Variants in MORC3 observed in about 807,000 individuals in gnomAD.
The protein encoded by MORC3 is MORC family CW-type zinc finger 3.
A neutral mutation model predicts 109.1 loss-of-function variants in MORC3; 31 were observed. The ratio of observed to expected loss-of-function variants is 0.28; its 90% CI spans 0.21 to 0.38. MORC3 has a LOEUF of 0.38. Among genes scored for constraint, MORC3 ranks in the 10% least tolerant of loss-of-function variants. The pLI is 1.00. For missense variants in MORC3, 867 were observed against 1,135.8 expected (o/e 0.76, Z 3.40); for synonymous variants, 395 against 380.7 (o/e 1.04, Z -0.44).
intron 2 of MORC3, among the ~76,000 whole-genome samples, chr21:36,335,861 G>A (rs1209006077): frequency 2.6e-5 from 4 of 152,026 alleles, no homozygotes; most frequent in Non-Finnish European, 5.9e-5. Flanking sequence ...TGATTATTGT[G>A]TACCTTCCAT....
intron 14 of MORC3, among the ~76,000 whole-genome samples, chr21:36,367,923 A>C (rs1401646755): frequency 6.6e-6 from 1 of 152,210 alleles, no homozygotes; most frequent in Non-Finnish European, 1.5e-5. Flanking sequence ...GACTTGAGAG[A>C]GAAATAAAGA....
chr21:36,345,579 G>A (rs1474159798), intron 8 of MORC3, among the ~76,000 whole-genome samples: 1 of 151,718 alleles, frequency 6.6e-6, no homozygotes, highest in African/African-American at 2.4e-5. Flanking sequence ...GTGCCGCCAC[G>A]CCTGGCTAAT....
Position 36,372,484 on chromosome 21 carries a change from A to G in MORC3, c.2619A>G (p.Ser873=), listed in dbSNP as rs1190580712. The change falls in exon 16 of 17, where the codon TCA becomes TCG. Residue 873 remains serine, a synonymous_variant. Transcript: ENST00000400485. ...ATCAACAGACGGCAACAGATGTTTC[A>G]ACATCAAGTAACATTGAGGAGTCTG... The part of the protein sequence containing the change: ...STNQQTATDV[S]TSSNIEESVN... 1 of 1,604,556 alleles carries G rather than the reference A, an allele frequency of 6.2e-7. No homozygotes were observed. Among genetic ancestry groups the G allele is most frequent in the South Asian group, 1.1e-5 (1 of 88,758 alleles).
Position 36,320,238 on chromosome 21 carries a change from C to A in MORC3, c.-27C>A, listed in dbSNP as rs202111693. The A allele has an allele frequency of 8.9e-6, 14 of 1,575,706 alleles. No individual in the cohort carries two copies. The highest frequency in any genetic ancestry group is 1.4e-5 in the African/African-American group (1 of 73,964). ...CTCCCAGTCGGGTTGCGGCGGAGGC[C>A]GTTCCTGGCTTTGTAGCTCGCTCAA... On this transcript the variant is annotated 5_prime_UTR_variant, in exon 1 of 17. Coordinates refer to ENST00000400485, the MANE Select transcript of MORC3 (RefSeq NM_015358.3).
rs2085695730 is a variant in MORC3, at chr21:36,360,088, G to A, written c.1331+11G>A. 6.2e-7 allele frequency: 1 copy of A among 1,614,068 alleles called. No individual in the cohort carries two copies. Among genetic ancestry groups the A allele is most frequent in the Admixed American group, 1.7e-5 (1 of 59,990 alleles). Reference sequence around the variant, plus strand: ...TGACCCACAGTTCAGGTACCATAGAGTTGGTAGTACCCTTTTTGGAAAGAC... The same window carrying A: ...TGACCCACAGTTCAGGTACCATAGAATTGGTAGTACCCTTTTTGGAAAGAC... On this transcript the variant is annotated intron_variant, in intron 11 of 16. Coordinates refer to ENST00000400485, the MANE Select transcript of MORC3 (RefSeq NM_015358.3).
intron 1 of MORC3, among the ~76,000 whole-genome samples, chr21:36,328,584 A>T (rs1229583964): frequency 6.6e-6 from 1 of 151,808 alleles, no homozygotes; most frequent in Admixed American, 6.6e-5. Context: ...CAGTTGACCT[A>T]CTCACCTCGG....
In MORC3 at chr21:36,372,549, G is replaced by C; in HGVS notation, c.2666+18G>C. 1 of 1,558,930 alleles carries C rather than the reference G, an allele frequency of 6.4e-7. No individual in the cohort carries two copies. Reference sequence around the variant, plus strand: ...GGAGAAAGGTAATATTAAATGAGGCGTTTTTGTGGGGCTGCAATTATGGTT... The same window carrying C: ...GGAGAAAGGTAATATTAAATGAGGCCTTTTTGTGGGGCTGCAATTATGGTT... On this transcript the variant is annotated intron_variant, in intron 16 of 16. Transcript: ENST00000400485.
intron 3 of MORC3, 104 bp from the exon 4 acceptor site, chr21:36,337,628 G>A (rs2085388656): frequency 4.0e-6 from 3 of 759,232 alleles, no homozygotes; most frequent in Non-Finnish European, 5.7e-6. Flanking sequence ...CTTTTTACTT[G>A]GTATTACAAT....
intron 1 of MORC3, among the ~76,000 whole-genome samples, chr21:36,331,017 CACTT>C (rs2085308918): frequency 6.6e-6 from 1 of 152,170 alleles, no homozygotes; most frequent in Non-Finnish European, 1.5e-5. Flanking sequence ...TACTGTTTCT[CACTT>C]GTGTGCTTCA....
At chr21:36,374,043 A>C (rs183998364) in intron 16 of MORC3, among the ~76,000 whole-genome samples, 57 of 152,266 alleles carry the variant, frequency 3.7e-4, no homozygotes, top group African/African-American at 1.3e-3. Context: ...CTGTAAATGC[A>C]CGGTAACTTA....
intron 2 of MORC3, among the ~76,000 whole-genome samples, chr21:36,334,566 C>T (rs1478909460): frequency 1.3e-5 from 2 of 152,152 alleles, no homozygotes; most frequent in African/African-American, 4.8e-5. Context: ...TCAGGAGTAT[C>T]TGGGATGACA....
At chr21:36,361,123 G>A (rs2085710083) in intron 12 of MORC3, among the ~76,000 whole-genome samples, 1 of 151,802 alleles carries the variant, frequency 6.6e-6, no homozygotes, top group Admixed American at 6.6e-5. Context: ...AATAAGGATA[G>A]TCAGCCAGTG....
intron 9 of MORC3, among the ~76,000 whole-genome samples, chr21:36,356,057 G>C (rs996800700): frequency 1.1e-4 from 16 of 152,052 alleles, no homozygotes; most frequent in African/African-American, 3.9e-4. Flanking sequence ...TAAGGCACTT[G>C]AAGCAAATAA....
intron 14 of MORC3, among the ~76,000 whole-genome samples, chr21:36,364,751 C>T (rs761887589): frequency 1.3e-5 from 2 of 151,870 alleles, no homozygotes; most frequent in Admixed American, 6.6e-5. Flanking sequence ...ATGATCAGGA[C>T]TTAAAAAAAT....
intron 16 of MORC3, among the ~76,000 whole-genome samples, chr21:36,373,455 C>T (rs1411338679): frequency 6.6e-6 from 1 of 151,828 alleles, no homozygotes; most frequent in African/African-American, 2.4e-5. Context: ...GAAACCCCGT[C>T]TCTACTAAAA....
chr21:36,369,180 G>A lies in MORC3; in HGVS notation c.1812G>A (p.Glu604=), dbSNP rs1356195221. 6 of 1,614,176 alleles carry A rather than the reference G, an allele frequency of 3.7e-6. No individual in the cohort carries two copies. Among genetic ancestry groups the A allele is most frequent in the Non-Finnish European group, 4.2e-6 (5 of 1,180,048 alleles). ...IDMKSEQSHV[E]QGGVQVEFVG... is the part of the protein sequence containing the mutation. The stretch of plus-strand genomic sequence containing the variant: ...TGAAATCAGAACAGAGTCACGTTGA[G>A]CAAGGTGGTGTTCAGGTTGAGTTTG... The change falls in exon 15 of 17, where the codon GAG becomes GAA. Residue 604 remains glutamate (E), a synonymous_variant. Transcript: ENST00000400485.
chr21:36,321,890 A>G (rs1485779317), intron 1 of MORC3, among the ~76,000 whole-genome samples: 2 of 152,190 alleles, frequency 1.3e-5, no homozygotes, highest in South Asian at 2.1e-4. Flanking sequence ...GAGGGGAGAA[A>G]GGAAGCAGAG....
chr21:36,364,338 A>G lies in MORC3; in HGVS notation c.1619+79A>G, dbSNP rs187855400. The stretch of plus-strand genomic sequence containing the variant: ...TTGACACTTCTGTGACAGTGATGCA[A>G]TTCGGGATCATTGTAGGTTCCATTG... On this transcript the variant is annotated intron_variant, in intron 14 of 16. Coordinates refer to ENST00000400485, the MANE Select transcript of MORC3 (RefSeq NM_015358.3). 2.4e-3 allele frequency: 3,359 copies of G among 1,408,974 alleles called. 1 individual carries two copies. Among genetic ancestry groups the G allele is most frequent in the African/African-American group, 7.7e-3 (529 of 69,032 alleles). 87.3% of individuals were successfully genotyped at this position (1,408,974 alleles called of 1,614,324 possible).
intron 1 of MORC3, among the ~76,000 whole-genome samples, chr21:36,328,533 G>A (rs540947813): frequency 1.3e-5 from 2 of 152,162 alleles, no homozygotes; most frequent in African/African-American, 4.8e-5. Context: ...TAGAGACAAG[G>A]TTTCGCCATG....
Sources: gnomAD v4.1 joint callset for allele counts (sites outside exome capture counted in the v4.1 genomes callset) on GRCh38, gnomAD v4.1.1 for gene constraint, MANE v1.5 for transcripts, NCBI Gene and HGNC (gene_info 2026-07-23, HGNC 2026-07-21) for gene names.